Variants in MPPED2 observed in about 807,000 individuals in gnomAD.
MPPED2 encodes metallophosphoesterase domain containing 2.
Under a neutral mutation model 33.0 loss-of-function variants are expected in MPPED2, and 5 were observed. The ratio of observed to expected loss-of-function variants is 0.15; its 90% CI spans 0.08 to 0.32. The LOEUF (loss-of-function observed/expected upper bound fraction) is 0.32. Ranked by LOEUF, MPPED2 falls within the 10% of genes least tolerant of loss-of-function variation. The pLI, the probability that MPPED2 is intolerant of heterozygous loss-of-function variation, is 1.00. For synonymous variants in MPPED2, 136 were observed against 141.9 expected (o/e 0.96, Z 0.29); for missense variants, 275 against 372.1 (o/e 0.74, Z 2.15).
At chr11:30,494,263 C>T (rs559376551) in intron 4 of MPPED2, among the ~76,000 whole-genome samples, 8 of 152,158 alleles carry the variant, frequency 5.3e-5, no homozygotes, top group African/African-American at 1.7e-4. Context: ...AATGAGTTAC[C>T]TAAGGCTGAT....
intron 4 of MPPED2, among the ~76,000 whole-genome samples, chr11:30,433,778 T>C (rs1206085058): frequency 6.6e-6 from 1 of 152,220 alleles, no homozygotes. Context: ...AGAGGAAATC[T>C]AGGCTTACTC....
chr11:30,583,092 A>C (rs1957245776), intron 1 of MPPED2, among the ~76,000 whole-genome samples: 2 of 148,338 alleles, frequency 1.3e-5, no homozygotes, highest in South Asian at 4.2e-4. Context: ...AAATGAACAC[A>C]TCTTAAGAAT....
At chr11:30,584,008 G>T (rs1957319377) in intron 1 of MPPED2, 1 of 152,154 alleles carries the variant, frequency 6.6e-6, no homozygotes, top group African/African-American at 2.4e-5. Flanking sequence ...CCTGTATCTG[G>T]GAGCGATGCC....
chr11:30,522,737 T>G (rs908039316), intron 3 of MPPED2, among the ~76,000 whole-genome samples: 1 of 152,184 alleles, frequency 6.6e-6, no homozygotes. Context: ...GCTATAATTA[T>G]GTCGTCTTCC....
At chr11:30,457,770 A>T (rs1447594132) in intron 4 of MPPED2, among the ~76,000 whole-genome samples, 1 of 152,150 alleles carries the variant, frequency 6.6e-6, no homozygotes, top group East Asian at 1.9e-4. Context: ...TTCACAATAT[A>T]TGCTGTTTGG....
chr11:30,432,470 C>T (rs574860705), intron 4 of MPPED2, among the ~76,000 whole-genome samples: 1 of 151,992 alleles, frequency 6.6e-6, no homozygotes, highest in East Asian at 1.9e-4. Flanking sequence ...ACAAAACAGC[C>T]TAAGCTTGAC....
intron 3 of MPPED2, among the ~76,000 whole-genome samples, chr11:30,508,231 T>C (rs1310814061): frequency 6.6e-6 from 1 of 152,108 alleles, no homozygotes; most frequent in African/African-American, 2.4e-5. Flanking sequence ...CAAAAATAAA[T>C]ACATAAAAAG....
intron 4 of MPPED2, among the ~76,000 whole-genome samples, chr11:30,488,631 T>C (rs1411427231): frequency 6.6e-6 from 1 of 152,188 alleles, no homozygotes; most frequent in Non-Finnish European, 1.5e-5. Context: ...CTTTTTCAAA[T>C]AAACAGGGCA....
At chr11:30,442,503 A>G (rs770012646) in intron 4 of MPPED2, among the ~76,000 whole-genome samples, 38 of 152,246 alleles carry the variant, frequency 2.5e-4, no homozygotes, top group Non-Finnish European at 1.8e-4. Flanking sequence ...AAAATATTTT[A>G]AAATAAAGTG....
At chr11:30,409,639 C>G (rs1948041225), downstream of MPPED2, among the ~76,000 whole-genome samples, 1 of 152,184 alleles carries the variant, frequency 6.6e-6, no homozygotes. Flanking sequence ...AACATATATC[C>G]AGAATACAAT....
chr11:30,557,349 A>G (rs912270400), intron 2 of MPPED2, among the ~76,000 whole-genome samples: 3 of 151,654 alleles, frequency 2.0e-5, no homozygotes, highest in Non-Finnish European at 2.9e-5. Flanking sequence ...GAGAAAATGT[A>G]TCATTTCCTA....
chr11:30,499,130 C>T (rs1952437582), intron 3 of MPPED2, among the ~76,000 whole-genome samples: 1 of 152,176 alleles, frequency 6.6e-6, no homozygotes, highest in African/African-American at 2.4e-5. Context: ...AGCTCCCAGG[C>T]TCCAACTGAG....
chr11:30,420,631 C>T (rs1162329921), intron 4 of MPPED2, among the ~76,000 whole-genome samples: 2 of 152,142 alleles, frequency 1.3e-5, no homozygotes, highest in Non-Finnish European at 2.9e-5. Context: ...CCGCCTTGCT[C>T]AGCTAGATGC....
At chr11:30,586,441 C>T (rs1371889336), upstream of MPPED2, among the ~76,000 whole-genome samples, 1 of 152,040 alleles carries the variant, frequency 6.6e-6, no homozygotes, top group African/African-American at 2.4e-5. This position sits in a 1 kb window ranked among gnomAD's most constrained non-coding sequence, Gnocchi z 4.8. Context: ...CCCGGCGGGA[C>T]CCCGCGCCCC....
chr11:30,469,808 C>T (rs895709695), intron 4 of MPPED2, among the ~76,000 whole-genome samples: 1 of 152,166 alleles, frequency 6.6e-6, no homozygotes, highest in African/African-American at 2.4e-5. Flanking sequence ...TGGTTTCCCT[C>T]TCTACACTTA....
At chr11:30,486,438 T>G (rs113075082) in intron 4 of MPPED2, among the ~76,000 whole-genome samples, 1 of 152,124 alleles carries the variant, frequency 6.6e-6, no homozygotes, top group Non-Finnish European at 1.5e-5. Context: ...TATTTGACAA[T>G]TGGTTTTAAT....
intron 3 of MPPED2, among the ~76,000 whole-genome samples, chr11:30,514,008 A>G (rs1174370486): frequency 6.6e-6 from 1 of 152,148 alleles, no homozygotes; most frequent in African/African-American, 2.4e-5. Flanking sequence ...CCATGCAAAG[A>G]TACTTCATTA....
At chr11:30,432,971 C>T (rs2133854715) in intron 4 of MPPED2, among the ~76,000 whole-genome samples, 1 of 152,320 alleles carries the variant, frequency 6.6e-6, no homozygotes, top group Non-Finnish European at 1.5e-5. Context: ...CTCTAATCTT[C>T]AGCTTTTGAT....
At chr11:30,390,712 G>A (rs185782145) in intron 6 of MPPED2, among the ~76,000 whole-genome samples, 147 of 152,328 alleles carry the variant, frequency 9.7e-4, no homozygotes, top group African/African-American at 3.4e-3. Flanking sequence ...GGATCCTTTG[G>A]TTTGGCTCCA....
Sources: gnomAD v4.1 joint callset for allele counts (sites outside exome capture counted in the v4.1 genomes callset) on GRCh38, gnomAD v4.1.1 for gene constraint, Gnocchi (gnomAD v3.1) non-coding constraint, MANE v1.5 for transcripts, NCBI Gene and HGNC (gene_info 2026-07-23, HGNC 2026-07-21) for gene names.